Variants in RALGAPB observed in about 807,000 individuals in gnomAD.
RALGAPB encodes ral GTPase-activating protein subunit beta.
RALGAPB carries 25 observed loss-of-function variants against 161.1 expected under a neutral mutation model. That is an observed-to-expected ratio of 0.16 (90% CI 0.11 to 0.22). RALGAPB has a LOEUF of 0.22. RALGAPB is among the 10% of genes least tolerant of loss of function. The pLI is 1.00. For missense variants in RALGAPB, 1,391 were observed against 1,815.2 expected, an observed-to-expected ratio of 0.77 and a Z score of 4.25; for synonymous variants, 629 against 626.1, an observed-to-expected ratio of 1.00 and a Z score of -0.07.
chr20:38,490,214 A>T (rs1299224410), intron 2 of RALGAPB, among the ~76,000 whole-genome samples: 3 of 127,302 alleles, frequency 2.4e-5, no homozygotes, highest in South Asian at 2.6e-4. Flanking sequence ...TTTATTTATT[A>T]ATTATTATTT....
Position 38,480,735 on chromosome 20 carries a change from G to A in RALGAPB, c.-31+7666G>A, listed in dbSNP as rs534901794. Among the ~76,000 whole-genome samples, 20 of 33,434 alleles carry A rather than the reference G, an allele frequency of 6.0e-4. No individual in the cohort carries two copies. In the South Asian group the frequency reaches 0.01, roughly 17 times the overall value. 21.9% of individuals were successfully genotyped at this position (33,434 alleles called of 152,430 possible). On this transcript the variant is annotated intron_variant, in intron 1 of 29. Coordinates refer to ENST00000262879, the MANE Select transcript of RALGAPB (RefSeq NM_020336.4). ...TTTTATCTGTGACTCCCCCACCCCC[G>A]CCCCCCCCTTTTTTTTTTTTGAGAC...
intron 1 of RALGAPB, among the ~76,000 whole-genome samples, chr20:38,478,690 C>T (rs2084876687): frequency 2.0e-5 from 3 of 152,120 alleles, no homozygotes; most frequent in South Asian, 4.1e-4. Context: ...CACCTCGGCT[C>T]ACCGCAGCCT....
Position 38,575,043 on chromosome 20 carries a change from T to C in RALGAPB, c.*76T>C, listed in dbSNP as rs1192802991. On this transcript the variant is annotated 3_prime_UTR_variant, in exon 30 of 30. Coordinates refer to ENST00000262879, the MANE Select transcript of RALGAPB (RefSeq NM_020336.4). ...GCAGAACAGTTTGATAGGTGATCAC[T>C]GTAAAAATAAAAACAAATCACTCCC... 3 of 1,233,980 alleles carry C rather than the reference T, an allele frequency of 2.4e-6. No homozygotes were observed. In the East Asian group the frequency reaches 7.0e-5, roughly 29 times the overall value. 76.4% of individuals were successfully genotyped at this position (1,233,980 alleles called of 1,614,324 possible).
At position 38,525,389 on chromosome 20, in the gene RALGAPB, T is replaced by C. The variant is rs778658962; in HGVS notation, c.1788-15T>C. 5.8e-6 allele frequency: 9 copies of C among 1,545,148 alleles called. No individual in the cohort carries two copies. The highest frequency in any genetic ancestry group is 5.7e-5 in the Admixed American group (3 of 52,268). On this transcript the variant is annotated splice_polypyrimidine_tract_variant and intron_variant, in intron 11 of 29. Transcript: ENST00000262879. ...TTTAGTTCAAAAATACTAATAGCTT[T>C]TTATTTTTTGGCAGAGAACTCTCAA...
chr20:38,568,951 AAGTT>A (rs1420028691), intron 26 of RALGAPB: 3 of 152,282 alleles, frequency 2.0e-5, no homozygotes, highest in Non-Finnish European at 4.4e-5. Flanking sequence ...GAGATGGAAG[AAGTT>A]AGAGAGAGAG....
In RALGAPB at chr20:38,575,018, G is replaced by A. The variant is rs1455172130; in HGVS notation, c.*51G>A. The stretch of plus-strand genomic sequence containing the variant: ...ACTCCAGTTTGGGAACTATAACACA[G>A]CAGAACAGTTTGATAGGTGATCACT... On this transcript the variant is annotated 3_prime_UTR_variant, in exon 30 of 30. Coordinates refer to ENST00000262879, the MANE Select transcript of RALGAPB (RefSeq NM_020336.4). The A allele has an allele frequency of 7.0e-7, 1 of 1,433,062 alleles. No homozygotes were observed. The highest frequency in any genetic ancestry group is 1.2e-5 in the South Asian group (1 of 86,926). 88.8% of individuals were successfully genotyped at this position (1,433,062 alleles called of 1,614,324 possible). A position where few individuals can be genotyped will look rare whatever the true frequency, so the allele number is the denominator to read the frequency against.
chr20:38,527,751 G>A (rs1283193093), intron 13 of RALGAPB, among the ~76,000 whole-genome samples: 1 of 152,170 alleles, frequency 6.6e-6, no homozygotes. Context: ...AATTTTGCTT[G>A]AAATTATATA....
At chr20:38,530,521 G>C (rs149500456) in intron 13 of RALGAPB, among the ~76,000 whole-genome samples, 6 of 151,382 alleles carry the variant, frequency 4.0e-5, no homozygotes, top group African/African-American at 1.5e-4. Flanking sequence ...GCCTCCCAAA[G>C]TGCTAGAATT....
Position 38,578,709 on chromosome 20 carries a change from C to G in RALGAPB, c.*3742C>G, listed in dbSNP as rs1568997653. 6.6e-6 allele frequency: 1 copy of G among 152,604 alleles called. No homozygotes were observed. Among genetic ancestry groups the G allele is most frequent in the Admixed American group, 6.5e-5 (1 of 15,282 alleles). The allele number at this position is 152,604 out of a possible 1,614,324, so 9.5% of individuals were successfully genotyped here. On this transcript the variant is annotated 3_prime_UTR_variant, in exon 30 of 30. Coordinates refer to ENST00000262879, the MANE Select transcript of RALGAPB (RefSeq NM_020336.4). ...TGTAAATATGAAGGCGTGCCCGTGCCCCTTGCCTCCTGTGTTTCATCTTCG... is the reference window on the plus strand; with the variant it reads ...TGTAAATATGAAGGCGTGCCCGTGCGCCTTGCCTCCTGTGTTTCATCTTCG...
chr20:38,548,166 A>G (rs1251032045), intron 19 of RALGAPB: 1 of 152,120 alleles, frequency 6.6e-6, no homozygotes, highest in Non-Finnish European at 1.5e-5. Flanking sequence ...TAACACCCCC[A>G]TCATGTCCCT....
At position 38,558,443 on chromosome 20, in the gene RALGAPB, C is replaced by T. The variant is rs776145231; in HGVS notation, c.3521C>T (p.Thr1174Met). ...FIFYMKPGQK[T>M]NQEILKNVES... ...TTCTATATGAAGCCAGGTCAGAAAA[C>T]GAACCAAGAGGTAAGAGTTACGAAT... The change falls in exon 23 of 30, where the codon ACG (threonine) becomes ATG (methionine). Residue 1174 changes from threonine to methionine, a missense_variant. This residue lies in a region of RALGAPB where 436 missense variants were observed against 527.0 expected (regional missense o/e 0.83). Transcript: ENST00000262879. 23 of 1,579,932 alleles carry T rather than the reference C, an allele frequency of 1.5e-5. No homozygotes were observed. Among genetic ancestry groups the T allele is most frequent in the Middle Eastern group, 1.7e-4 (1 of 5,940 alleles).
At position 38,517,502 on chromosome 20, in the gene RALGAPB, TA is replaced by T. The variant is rs2086163734; in HGVS notation, c.1052-2del. On this transcript the variant is annotated splice_region_variant and splice_polypyrimidine_tract_variant and intron_variant, in intron 7 of 29. Coordinates refer to ENST00000262879, the MANE Select transcript of RALGAPB (RefSeq NM_020336.4). ...ATTTCATTTGTCTTTTTTTTTTTTT[TA>T]AGGTATTTCTAGACCCCGATCAGAC... 2 of 1,538,904 alleles carry T rather than the reference TA, an allele frequency of 1.3e-6. No homozygotes were observed. The highest frequency in any genetic ancestry group is 2.3e-5 in the East Asian group (1 of 43,844).
chr20:38,505,316 A>G (rs191725695), intron 5 of RALGAPB, among the ~76,000 whole-genome samples: 68 of 152,352 alleles, frequency 4.5e-4, no homozygotes, highest in Middle Eastern at 3.4e-3. Context: ...TAAGTGAATT[A>G]ACACAGGAAC....
At chr20:38,534,993 C>G in intron 15 of RALGAPB, 81 bp from the exon 16 acceptor site, 1 of 1,495,732 alleles carries the variant, frequency 6.7e-7, no homozygotes, top group Non-Finnish European at 9.2e-7. Flanking sequence ...TGGTCTGTGC[C>G]TAGTGGATGC....
chr20:38,537,310 A>T (rs891205811), intron 16 of RALGAPB, among the ~76,000 whole-genome samples: 2 of 152,180 alleles, frequency 1.3e-5, no homozygotes, highest in Non-Finnish European at 1.5e-5. Flanking sequence ...AAAAGCCAAA[A>T]AATTTTGATT....
chr20:38,557,298 T>G (rs1236985293), intron 22 of RALGAPB, among the ~76,000 whole-genome samples: 3 of 152,206 alleles, frequency 2.0e-5, no homozygotes, highest in Non-Finnish European at 2.9e-5. Context: ...CAGTTTCCCC[T>G]GTTATCAACA....
At chr20:38,551,686 G>T (rs1372577912) in intron 21 of RALGAPB, among the ~76,000 whole-genome samples, 1 of 152,206 alleles carries the variant, frequency 6.6e-6, no homozygotes, top group Non-Finnish European at 1.5e-5. Flanking sequence ...GTGACAAAGA[G>T]ATATCAGTGC....
chr20:38,514,259 T>A (rs944144520), intron 6 of RALGAPB, among the ~76,000 whole-genome samples: 11 of 152,226 alleles, frequency 7.2e-5, no homozygotes, highest in African/African-American at 2.4e-4. Context: ...TGCATGCACA[T>A]TGTTCTTTCT....
intron 2 of RALGAPB, among the ~76,000 whole-genome samples, chr20:38,488,993 C>T (rs1013452393): frequency 6.6e-6 from 1 of 152,164 alleles, no homozygotes; most frequent in Non-Finnish European, 1.5e-5. Context: ...TGGAAGGCCT[C>T]ATCCCTACCT....
Sources: allele counts gnomAD v4.1 joint callset (sites outside exome capture counted in the v4.1 genomes callset), GRCh38; gene constraint gnomAD v4.1.1; regional missense constraint gnomAD v4.1.1; transcripts MANE v1.5; gene names NCBI Gene and HGNC (gene_info 2026-07-23, HGNC 2026-07-21).